PLCH1: variants seen among roughly 807,000 people sequenced by gnomAD.
The protein encoded by PLCH1 is phospholipase C eta 1.
In PLCH1, 60 loss-of-function variants were observed where a neutral mutation model predicts 126.7. That is an observed-to-expected ratio of 0.47 (90% confidence interval 0.38 to 0.59). The LOEUF is 0.59. PLCH1 is among the 20% of genes least tolerant of loss of function. PLCH1 has a pLI of 0.00. For synonymous variants in PLCH1, 719 were observed against 734.9 expected (o/e 0.98, Z 0.35); for missense variants, 1,723 against 2,040.0 (o/e 0.84, Z 2.99).
intron 14 of PLCH1, among the ~76,000 whole-genome samples, chr3:155,499,408 G>A (rs1243000318): frequency 1.3e-5 from 2 of 152,170 alleles, no homozygotes; most frequent in African/African-American, 2.4e-5. Context: ...GAAGGCTAAT[G>A]ATTATAAATC....
intron 2 of PLCH1, among the ~76,000 whole-genome samples, chr3:155,656,146 T>C (rs1170434741): frequency 1.3e-5 from 2 of 150,778 alleles, no homozygotes; most frequent in Non-Finnish European, 2.9e-5. Context: ...TCAATTTTCA[T>C]AGAAGGAATA....
At chr3:155,637,194 G>T (rs1399330424) in intron 2 of PLCH1, among the ~76,000 whole-genome samples, 1 of 152,146 alleles carries the variant, frequency 6.6e-6, no homozygotes, top group African/African-American at 2.4e-5. Context: ...TCTGAACATT[G>T]TAAACTATAC....
At chr3:155,583,396 T>C (rs1577067045) in intron 6 of PLCH1, 76 bp downstream of exon 6, 1 of 1,220,164 alleles carries the variant, frequency 8.2e-7, no homozygotes, top group East Asian at 2.5e-5. Flanking sequence ...AGTATACCTA[T>C]ATTTAACCCC....
chr3:155,557,923 A>G (rs1727049631), intron 8 of PLCH1, among the ~76,000 whole-genome samples: 1 of 152,168 alleles, frequency 6.6e-6, no homozygotes, highest in African/African-American at 2.4e-5. Flanking sequence ...TCCCATAATG[A>G]GAATGAAAAT....
chr3:155,583,372 T>A, intron 6 of PLCH1, 100 bp downstream of exon 6: 1 of 947,310 alleles, frequency 1.1e-6, no homozygotes, highest in Non-Finnish European at 1.6e-6. Flanking sequence ...ATTTACCACC[T>A]TTGCAAAATT....
intron 2 of PLCH1, chr3:155,676,315 C>G (rs1338471876): frequency 3.6e-6 from 4 of 1,113,600 alleles, no homozygotes; most frequent in Non-Finnish European, 4.4e-6. Flanking sequence ...CTGGAAGCAT[C>G]TGCTCGGGGC....
chr3:155,584,938 G>T (rs552050216), intron 5 of PLCH1, among the ~76,000 whole-genome samples: 4 of 152,086 alleles, frequency 2.6e-5, no homozygotes, highest in Non-Finnish European at 4.4e-5. Context: ...ACAGGAGGTG[G>T]GGCTCACAGC....
intron 12 of PLCH1, among the ~76,000 whole-genome samples, chr3:155,511,959 C>T (rs924860191): frequency 3.3e-5 from 5 of 151,940 alleles, no homozygotes; most frequent in East Asian, 1.9e-4. Context: ...GCCTCATTGC[C>T]GCCTTGCAGT....
chr3:155,597,440 T>C (rs994167460), intron 2 of PLCH1, among the ~76,000 whole-genome samples: 3 of 152,220 alleles, frequency 2.0e-5, no homozygotes, highest in Non-Finnish European at 4.4e-5. Context: ...TATTTTTTTA[T>C]TATATCAACC....
At chr3:155,579,910 C>T (rs1350714249) in intron 6 of PLCH1, among the ~76,000 whole-genome samples, 1 of 152,124 alleles carries the variant, frequency 6.6e-6, no homozygotes, top group Non-Finnish European at 1.5e-5. Context: ...CTCTCTCTCT[C>T]TCACACACAC....
In PLCH1 at chr3:155,676,004, T is replaced by C. The variant is rs749270949; in HGVS notation, c.79+28142A>G. On this transcript the variant is annotated intron_variant, in intron 2 of 22. Coordinates refer to ENST00000460012, the MANE Select transcript of PLCH1 (RefSeq NM_014996.4). ...TAGTAGTATGAGTCTTACCTTTTTC[T>C]GGACTTAAGTTTTTATACACTTCAA... The C allele has an allele frequency of 1.0e-5, 16 of 1,527,656 alleles. No homozygotes were observed. In the Admixed American group the frequency reaches 1.4e-4, roughly 13 times the overall value. The allele number at this position is 1,527,656 out of a possible 1,614,324, so 94.6% of individuals were successfully genotyped here.
At chr3:155,558,702 G>A (rs1238740409) in intron 8 of PLCH1, among the ~76,000 whole-genome samples, 1 of 152,110 alleles carries the variant, frequency 6.6e-6, no homozygotes. Flanking sequence ...ACACTACTTA[G>A]AATGGTACAC....
intron 1 of PLCH1, among the ~76,000 whole-genome samples, chr3:155,720,243 G>T (rs962127829): frequency 6.6e-6 from 1 of 152,188 alleles, no homozygotes; most frequent in African/African-American, 2.4e-5. Context: ...CCAGTAGTGG[G>T]ATTGCTGGAT....
intron 2 of PLCH1, among the ~76,000 whole-genome samples, chr3:155,611,033 A>G (rs1229100964): frequency 2.0e-5 from 3 of 152,228 alleles, no homozygotes; most frequent in African/African-American, 7.2e-5. Context: ...TATTCCATGC[A>G]AATGAACACC....
chr3:155,612,463 C>T (rs1467755304), intron 2 of PLCH1, among the ~76,000 whole-genome samples: 1 of 151,708 alleles, frequency 6.6e-6, no homozygotes, highest in Admixed American at 6.6e-5. Flanking sequence ...AAACCCAAAC[C>T]CAGCAGAAGA....
chr3:155,599,725 G>A (rs1030832996), intron 2 of PLCH1, among the ~76,000 whole-genome samples: 13 of 152,108 alleles, frequency 8.5e-5, no homozygotes, highest in Admixed American at 8.5e-4. Context: ...AAAACAAATT[G>A]TTTACGCCAG....
At chr3:155,573,852 A>G (rs886588532) in intron 6 of PLCH1, among the ~76,000 whole-genome samples, 1 of 152,162 alleles carries the variant, frequency 6.6e-6, no homozygotes, top group Admixed American at 6.5e-5. Flanking sequence ...CCATCTTCAT[A>G]ATCCCCATGT....
Position 155,596,325 on chromosome 3 carries a change from G to A in PLCH1, c.133C>T (p.Arg45Cys), listed in dbSNP as rs150143990. The A allele has an allele frequency of 5.1e-3, 8,160 of 1,613,380 alleles. 34 individuals carry two copies. The highest frequency in any genetic ancestry group is 6.9e-3 in the Middle Eastern group (42 of 6,056). ...AGGCGGACAAGCCCTTTGGTTCCAC[G>A]TTTCAGCTTGATCATCTGTGTCCCG... ...QSGTQMIKLK[R>C]GTKGLVRLFY... Residue 45 changes from arginine to cysteine, a missense_variant, in exon 3 of 23, where the codon CGT becomes TGT. Physicochemically the swap from Arg to Cys is radical, Grantham distance 180. Coordinates refer to ENST00000460012, the MANE Select transcript of PLCH1 (RefSeq NM_014996.4).
intron 10 of PLCH1, among the ~76,000 whole-genome samples, chr3:155,534,505 C>T (rs186076549): frequency 6.6e-6 from 1 of 152,258 alleles, no homozygotes; most frequent in African/African-American, 2.4e-5. Context: ...GGACTTCCCT[C>T]GTCTCAGATG....
Sources: allele counts gnomAD v4.1 joint callset (sites outside exome capture counted in the v4.1 genomes callset), GRCh38; gene constraint gnomAD v4.1.1; transcripts MANE v1.5; gene names NCBI Gene and HGNC (gene_info 2026-07-23, HGNC 2026-07-21).